The following FGF13 variants were observed in gnomAD, a reference collection of about 807,000 sequenced individuals.
The protein encoded by FGF13 is fibroblast growth factor 13, also known as fibroblast growth factor homologous factor 2.
Under a neutral mutation model 19.5 loss-of-function variants are expected in FGF13, and 2 were observed. That is an observed-to-expected ratio of 0.10 (90% CI 0.04 to 0.32). The LOEUF (loss-of-function observed/expected upper bound fraction) is 0.32. FGF13 is among the 10% of genes least tolerant of loss of function. The probability of loss-of-function intolerance (pLI) is 1.00; values close to 1 mark genes in which losing one functional copy is unlikely to be tolerated. For missense variants in FGF13, 113 were observed against 192.7 expected, an observed-to-expected ratio of 0.59 and a Z score of 2.45; for synonymous variants, 72 against 76.9, an observed-to-expected ratio of 0.94 and a Z score of 0.33.
chrX:138,805,874 T>G (rs1271587602), intron 3 of FGF13, among the ~76,000 whole-genome samples: 3 of 110,830 alleles, frequency 2.7e-5, no homozygotes, highest in Non-Finnish European at 5.7e-5. Flanking sequence ...CTTTTAATCC[T>G]AAAGAGAAAG....
intron 1 of FGF13, among the ~76,000 whole-genome samples, chrX:139,116,073 G>A (rs1008305314): frequency 1.1e-4 from 12 of 111,958 alleles, no homozygotes; most frequent in African/African-American, 1.6e-4. Context: ...CCTACTAGGC[G>A]CCAGACTCTA....
chrX:138,972,130 A>G (rs1353339953), intron 1 of FGF13, among the ~76,000 whole-genome samples: 3 of 107,786 alleles, frequency 2.8e-5, no homozygotes, highest in African/African-American at 1.0e-4. Flanking sequence ...AGTGGATTCC[A>G]TATCTTGTCT....
At chrX:138,701,200 C>T (rs915781926) in intron 3 of FGF13, among the ~76,000 whole-genome samples, 11 of 112,187 alleles carry the variant, frequency 9.8e-5, no homozygotes, top group Non-Finnish European at 1.9e-4. Flanking sequence ...GATGATTTAT[C>T]AGTAATTATT....
intron 1 of FGF13, among the ~76,000 whole-genome samples, chrX:139,096,141 G>C (rs1185211876): frequency 3.6e-5 from 4 of 111,732 alleles, no homozygotes; most frequent in Admixed American, 2.9e-4. Context: ...GCATGAAAAA[G>C]ACAAGGATTT....
At chrX:138,646,174 TTAACAAAAGTAATGA>T (rs1337692682) in intron 3 of FGF13, among the ~76,000 whole-genome samples, 3 of 112,297 alleles carry the variant, frequency 2.7e-5, no homozygotes, top group Middle Eastern at 4.2e-3. Flanking sequence ...AAGGGACAGT[TTAACAAAAGTAATGA>T]TAACAAAAGT....
intron 1 of FGF13, among the ~76,000 whole-genome samples, chrX:138,925,570 A>T (rs774870766): frequency 9.0e-6 from 1 of 111,547 alleles, no homozygotes; most frequent in East Asian, 2.8e-4. Flanking sequence ...GCAAAGTACA[A>T]ACACAAGCGT....
At chrX:138,935,967 G>A (rs1477003799) in intron 1 of FGF13, among the ~76,000 whole-genome samples, 1 of 112,234 alleles carries the variant, frequency 8.9e-6, no homozygotes, top group African/African-American at 3.2e-5. Context: ...CTGGGCTGTG[G>A]GATCAGGAAG....
chrX:138,690,486 T>C (rs896177521), intron 3 of FGF13, among the ~76,000 whole-genome samples: 2 of 110,864 alleles, frequency 1.8e-5, no homozygotes, highest in Non-Finnish European at 3.8e-5. Context: ...TGGTTGAATC[T>C]ACTGTAATCC....
intron 1 of FGF13, among the ~76,000 whole-genome samples, chrX:139,159,806 T>G (rs2084013831): frequency 9.0e-6 from 1 of 111,354 alleles, no homozygotes; most frequent in African/African-American, 3.3e-5. Context: ...TAAATATATA[T>G]GCACCCAATT....
At chrX:138,805,656 A>G (rs1362010581) in intron 3 of FGF13, among the ~76,000 whole-genome samples, 1 of 112,048 alleles carries the variant, frequency 8.9e-6, no homozygotes, top group Non-Finnish European at 1.9e-5. Flanking sequence ...GATATAACCA[A>G]TTCAAAAACA....
At position 139,028,634 on chromosome X, in the gene FGF13, A is replaced by AGT. The variant is rs756959789; in HGVS notation, c.-112-163986_-112-163985dup. On this transcript the variant is annotated intron_variant, in intron 1 of 2. Transcript: ENST00000421460. ...GTGTGTGTGAGAGAGAGAGAGAGAG[A>AGT]GTGTGTGTGTGTGTGTGAGAGAGAG... Among the ~76,000 whole-genome samples, 258 of 41,479 alleles carry AGT rather than the reference A, an allele frequency of 6.2e-3. 1 individual carries two copies. Among genetic ancestry groups the AGT allele is most frequent in the African/African-American group, 0.017 (200 of 12,070 alleles). The allele number at this position is 41,479 out of a possible 115,157, so 36.0% of individuals were successfully genotyped here. A position where few individuals can be genotyped will look rare whatever the true frequency, so the allele number is the denominator to read the frequency against.
At chrX:139,111,540 A>C (rs1223479786) in intron 1 of FGF13, among the ~76,000 whole-genome samples, 1 of 112,071 alleles carries the variant, frequency 8.9e-6, no homozygotes, top group Non-Finnish European at 1.9e-5. Context: ...CTAAACAGAA[A>C]TTTTTGATTA....
chrX:139,028,893 A>G (rs749991938), intron 1 of FGF13, among the ~76,000 whole-genome samples: 84 of 110,417 alleles, frequency 7.6e-4, no homozygotes, highest in Admixed American at 2.3e-3. Flanking sequence ...AAATACATAC[A>G]TACAATAAAA....
At chrX:138,738,364 GAA>G (rs757486512) in intron 1 of FGF13, among the ~76,000 whole-genome samples, 2 of 112,208 alleles carry the variant, frequency 1.8e-5, no homozygotes, top group Non-Finnish European at 3.8e-5. Flanking sequence ...GGGTTTCAAT[GAA>G]AGTGTTTGCT....
intron 1 of FGF13, among the ~76,000 whole-genome samples, chrX:139,050,803 T>G (rs1027323883): frequency 3.6e-5 from 4 of 112,315 alleles, no homozygotes; most frequent in African/African-American, 1.3e-4. Context: ...TTAATTCAGA[T>G]TGCCTGAAAT....
chrX:139,156,553 G>A (rs886861813), intron 1 of FGF13, among the ~76,000 whole-genome samples: 1 of 112,723 alleles, frequency 8.9e-6, no homozygotes, highest in African/African-American at 3.2e-5. Flanking sequence ...AACTGAGTGT[G>A]GTCTCTGGCC....
chrX:138,962,500 T>C (rs1026842899), intron 1 of FGF13, among the ~76,000 whole-genome samples: 8 of 112,281 alleles, frequency 7.1e-5, no homozygotes, highest in Admixed American at 3.8e-4. Flanking sequence ...ACTGGGTATA[T>C]ATCCAAAGGA....
At chrX:139,117,806 T>G (rs765899964) in intron 1 of FGF13, among the ~76,000 whole-genome samples, 1 of 111,856 alleles carries the variant, frequency 8.9e-6, no homozygotes, top group Non-Finnish European at 1.9e-5. Flanking sequence ...ACTCATACAG[T>G]GAGTCCCCTG....
intron 1 of FGF13, among the ~76,000 whole-genome samples, chrX:139,182,959 G>C: frequency 9.0e-6 from 1 of 111,262 alleles, no homozygotes; most frequent in Admixed American, 9.6e-5. Flanking sequence ...AGATTAAGAG[G>C]CTCACTCAAG....
Sources: gnomAD v4.1 joint callset for allele counts (sites outside exome capture counted in the v4.1 genomes callset) on GRCh38, gnomAD v4.1.1 for gene constraint, MANE v1.5 for transcripts, NCBI Gene and HGNC (gene_info 2026-07-23, HGNC 2026-07-21) for gene names.